Variants in CRPPA observed in about 807,000 individuals in gnomAD.
CRPPA encodes the protein D-ribitol-5-phosphate cytidylyltransferase.
A neutral mutation model predicts 52.0 loss-of-function variants in CRPPA; 43 were observed. The observed-to-expected ratio is 0.83, with a 90% CI of 0.65 to 1.07. CRPPA has a LOEUF of 1.07. CRPPA is among the 50% of genes least tolerant of loss of function. The pLI, the probability that CRPPA is intolerant of heterozygous loss-of-function variation, is 0.00. For synonymous variants in CRPPA, 250 were observed against 203.5 expected (o/e 1.23, Z -1.94); for missense variants, 629 against 551.7 (o/e 1.14, Z -1.40).
chr7:16,291,640 T>A (rs2107589), intron 5 of CRPPA, among the ~76,000 whole-genome samples: 33,174 of 151,730 alleles, frequency 0.22, 4,568 homozygotes, highest in Admixed American at 0.31. Context: ...TACAGTCAGA[T>A]AGAAGAAATA....
At chr7:16,141,255 A>C (rs1450918012) in intron 9 of CRPPA, among the ~76,000 whole-genome samples, 3 of 152,208 alleles carry the variant, frequency 2.0e-5, no homozygotes, top group Non-Finnish European at 2.9e-5. Flanking sequence ...TAAATCCTTT[A>C]TAGGAAAAAG....
chr7:16,361,670 T>C (rs756773266), intron 3 of CRPPA, among the ~76,000 whole-genome samples: 4 of 152,114 alleles, frequency 2.6e-5, no homozygotes, highest in Non-Finnish European at 5.9e-5. Context: ...AAAATGGGGA[T>C]TGCCACGAGC....
intron 5 of CRPPA, among the ~76,000 whole-genome samples, chr7:16,289,515 A>T (rs1784517485): frequency 6.6e-6 from 1 of 152,184 alleles, no homozygotes; most frequent in African/African-American, 2.4e-5. Context: ...GGGATGCAAG[A>T]TGGTTCAACA....
intron 4 of CRPPA, among the ~76,000 whole-genome samples, chr7:16,306,149 C>G (rs953987548): frequency 6.6e-6 from 1 of 152,142 alleles, no homozygotes; most frequent in African/African-American, 2.4e-5. Flanking sequence ...TTAGGGCCTA[C>G]CCTATTCCAG....
chr7:16,127,706 T>C (rs17169279), intron 9 of CRPPA, among the ~76,000 whole-genome samples: 14,659 of 152,062 alleles, frequency 0.096, 930 homozygotes, highest in African/African-American at 0.17. Flanking sequence ...AGCATGGATA[T>C]TGCCAAATTA....
intron 2 of CRPPA, among the ~76,000 whole-genome samples, chr7:16,387,610 T>C (rs576295279): frequency 1.7e-4 from 26 of 151,942 alleles, no homozygotes; most frequent in Non-Finnish European, 3.7e-4. Flanking sequence ...ACAACTATGA[T>C]TCAAAGACAC....
intron 5 of CRPPA, among the ~76,000 whole-genome samples, chr7:16,279,124 T>G (rs1583488278): frequency 6.6e-6 from 1 of 152,302 alleles, no homozygotes; most frequent in Middle Eastern, 3.4e-3. Flanking sequence ...AAACAAAGCC[T>G]GATTTTAAGA....
chr7:16,156,658 C>T (rs556623673), intron 9 of CRPPA, among the ~76,000 whole-genome samples: 6 of 152,236 alleles, frequency 3.9e-5, no homozygotes, highest in South Asian at 2.1e-4. Context: ...TTCCATTCTA[C>T]GTTATGCTGA....
At chr7:16,284,275 G>T (rs1015580985) in intron 5 of CRPPA, among the ~76,000 whole-genome samples, 1 of 151,976 alleles carries the variant, frequency 6.6e-6, no homozygotes, top group Non-Finnish European at 1.5e-5. Flanking sequence ...TCATCCCTCA[G>T]TATAATAAAA....
At chr7:16,302,274 C>T (rs986336998) in intron 4 of CRPPA, among the ~76,000 whole-genome samples, 10 of 115,830 alleles carry the variant, frequency 8.6e-5, no homozygotes, top group Non-Finnish European at 1.3e-4. Flanking sequence ...CCAGCCTGGG[C>T]TACAGAGCGA....
intron 9 of CRPPA, among the ~76,000 whole-genome samples, chr7:16,134,541 G>A (rs1341030609): frequency 1.3e-5 from 2 of 152,196 alleles, no homozygotes; most frequent in African/African-American, 4.8e-5. Context: ...TCAACAGTAG[G>A]TTAGTAGTCA....
At chr7:16,232,995 T>C (rs1782848142) in intron 8 of CRPPA, among the ~76,000 whole-genome samples, 1 of 152,132 alleles carries the variant, frequency 6.6e-6, no homozygotes, top group African/African-American at 2.4e-5. Flanking sequence ...AGCACAGATG[T>C]AAAATAGACC....
At chr7:16,308,318 G>A (rs1784959219) in intron 4 of CRPPA, among the ~76,000 whole-genome samples, 1 of 152,138 alleles carries the variant, frequency 6.6e-6, no homozygotes, top group African/African-American at 2.4e-5. Context: ...AATCTCACAG[G>A]TTAAAATGAG....
chr7:16,232,666 C>G (rs1336890539), intron 8 of CRPPA, among the ~76,000 whole-genome samples: 2 of 152,106 alleles, frequency 1.3e-5, no homozygotes, highest in African/African-American at 4.8e-5. Flanking sequence ...ATAATTATCT[C>G]TACACTAAAT....
intron 9 of CRPPA, among the ~76,000 whole-genome samples, chr7:16,194,524 A>G (rs1781687088): frequency 6.6e-6 from 1 of 152,162 alleles, no homozygotes; most frequent in African/African-American, 2.4e-5. Context: ...GTTACTAAAC[A>G]TGTATCGGAA....
At chr7:16,403,414 G>C (rs1260927760) in intron 2 of CRPPA, among the ~76,000 whole-genome samples, 1 of 152,022 alleles carries the variant, frequency 6.6e-6, no homozygotes, top group African/African-American at 2.4e-5. Context: ...TAAGCAAAAT[G>C]GAAAGTCAGT....
chr7:16,211,622 G>T (rs1209538918), intron 9 of CRPPA, among the ~76,000 whole-genome samples: 1 of 152,112 alleles, frequency 6.6e-6, no homozygotes, highest in Non-Finnish European at 1.5e-5. Context: ...ACACCCATTT[G>T]TTCTCCAAAG....
At chr7:16,205,311 C>T (rs867142280) in intron 9 of CRPPA, among the ~76,000 whole-genome samples, 16 of 152,132 alleles carry the variant, frequency 1.1e-4, no homozygotes, top group Admixed American at 6.6e-4. Context: ...AATCCATGTT[C>T]TCATGATGTT....
intron 9 of CRPPA, among the ~76,000 whole-genome samples, chr7:16,103,633 G>C (rs926758287): frequency 6.6e-6 from 1 of 152,086 alleles, no homozygotes; most frequent in African/African-American, 2.4e-5. Flanking sequence ...GTAAGTGTAA[G>C]GGACACTGAT....
Sources: allele counts gnomAD v4.1 joint callset (sites outside exome capture counted in the v4.1 genomes callset), GRCh38; gene constraint gnomAD v4.1.1; transcripts MANE v1.5; gene names NCBI Gene and HGNC (gene_info 2026-07-23, HGNC 2026-07-21).